Variants in RAP1GAP2 observed in about 807,000 individuals in gnomAD.
RAP1GAP2 encodes rap1 GTPase-activating protein 2.
In RAP1GAP2, 27 loss-of-function variants were observed where a neutral mutation model predicts 95.0. The observed-to-expected ratio is 0.28, with a 90% CI of 0.21 to 0.39. RAP1GAP2 has a LOEUF of 0.39. RAP1GAP2 is among the 10% of genes least tolerant of loss of function. RAP1GAP2 has a pLI of 1.00. For synonymous variants in RAP1GAP2, 373 were observed against 380.9 expected (o/e 0.98, Z 0.24); for missense variants, 771 against 970.0 (o/e 0.79, Z 2.72).
At chr17:2,888,343 C>T (rs1191024493) in intron 2 of RAP1GAP2, among the ~76,000 whole-genome samples, 1 of 152,190 alleles carries the variant, frequency 6.6e-6, no homozygotes, top group Non-Finnish European at 1.5e-5. Flanking sequence ...GGTCACCCTA[C>T]AAGGCTACAG....
intron 1 of RAP1GAP2, among the ~76,000 whole-genome samples, chr17:2,780,055 G>A (rs2068603768): frequency 1.3e-5 from 2 of 152,066 alleles, no homozygotes; most frequent in Non-Finnish European, 2.9e-5. Context: ...AAGCCTCCTC[G>A]TTCCTTTTTT....
At chr17:2,760,937 ATTTTC>A (rs2071234242) in intron 1 of RAP1GAP2, among the ~76,000 whole-genome samples, 2 of 138,782 alleles carry the variant, frequency 1.4e-5, no homozygotes, top group African/African-American at 2.9e-5. Flanking sequence ...GATGGGTGCC[ATTTTC>A]TTTTCTTTTC....
chr17:2,918,494 C>T (rs1014385308), intron 3 of RAP1GAP2, among the ~76,000 whole-genome samples: 74 of 150,834 alleles, frequency 4.9e-4, no homozygotes, highest in Admixed American at 1.3e-3. Flanking sequence ...GCTGTACAGG[C>T]AGCAGGATGC....
At chr17:2,951,028 G>GGA (rs1182356834) in intron 3 of RAP1GAP2, among the ~76,000 whole-genome samples, 2 of 152,192 alleles carry the variant, frequency 1.3e-5, no homozygotes, top group Non-Finnish European at 2.9e-5. Flanking sequence ...TTCGACCACC[G>GGA]GGCTCTGCTG....
intron 1 of RAP1GAP2, among the ~76,000 whole-genome samples, chr17:2,790,237 C>T (rs973877067): frequency 6.6e-5 from 10 of 152,052 alleles, no homozygotes; most frequent in Non-Finnish European, 1.5e-4. Context: ...CTCAGCCTCC[C>T]GAGTAGCTGG....
chr17:2,945,287 C>T (rs60335923), intron 3 of RAP1GAP2, among the ~76,000 whole-genome samples: 12,867 of 152,056 alleles, frequency 0.085, 1,403 homozygotes, highest in African/African-American at 0.25. Context: ...GATTGTGTCT[C>T]TCCGATTGTT....
intron 3 of RAP1GAP2, among the ~76,000 whole-genome samples, chr17:2,927,795 G>A (rs954687670): frequency 6.6e-6 from 1 of 152,156 alleles, no homozygotes; most frequent in African/African-American, 2.4e-5. Flanking sequence ...AACGCTAGCC[G>A]GCCCACCGCA....
Position 2,871,365 on chromosome 17 carries a change from G to A in RAP1GAP2, c.81-33919G>A, listed in dbSNP as rs561635223. 2.9e-4 allele frequency among the ~76,000 whole-genome samples: 44 copies of A among 152,328 alleles called. No individual in the cohort carries two copies. Among genetic ancestry groups the A allele is most frequent in the African/African-American group, 1.1e-3 (44 of 41,584 alleles). ...GGAGGAGTTCTGATTGGCCTGGATT[G>A]TGTGTCCATCTCAGTCCCTATGTGC... On this transcript the variant is annotated intron_variant, in intron 2 of 24. Transcript: ENST00000254695. The surrounding 1 kb of genome is among the most constrained non-coding windows in gnomAD (Gnocchi z 5.0).
chr17:2,771,479 C>CTTTTTTTTTTTTTTTTTTTTTTT (rs775623366), intron 2 of RAP1GAP2, among the ~76,000 whole-genome samples: 1 of 131,788 alleles, frequency 7.6e-6, no homozygotes, highest in Admixed American at 7.5e-5. Flanking sequence ...ATCAAAGCCA[C>CTTTTTTTTTTTTTTTTTTTTTTT]TTTTTTGTTT....
intron 2 of RAP1GAP2, among the ~76,000 whole-genome samples, chr17:2,863,932 A>G (rs1023211309): frequency 3.3e-5 from 5 of 152,006 alleles, no homozygotes; most frequent in Admixed American, 1.3e-4. Context: ...GGTGCCTGTA[A>G]TCCCAGCTAC....
chr17:2,892,076 G>T (rs941905147), intron 2 of RAP1GAP2, among the ~76,000 whole-genome samples: 4 of 151,886 alleles, frequency 2.6e-5, no homozygotes, highest in African/African-American at 7.2e-5. Flanking sequence ...TGCCTGTCTC[G>T]ACCTCCCAAA....
intron 2 of RAP1GAP2, among the ~76,000 whole-genome samples, chr17:2,812,543 C>A (rs988644919): frequency 2.6e-5 from 4 of 152,148 alleles, no homozygotes; most frequent in African/African-American, 4.8e-5. Flanking sequence ...GCTTCTCATG[C>A]CAGGATGCTG....
intron 1 of RAP1GAP2, among the ~76,000 whole-genome samples, chr17:2,788,745 A>G (rs2068850477): frequency 1.3e-5 from 2 of 152,198 alleles, no homozygotes; most frequent in African/African-American, 2.4e-5. Flanking sequence ...TGAGGGCAGG[A>G]GAAGGCGGGT....
intron 1 of RAP1GAP2, among the ~76,000 whole-genome samples, chr17:2,785,981 A>C (rs547894233): frequency 6.8e-6 from 1 of 146,300 alleles, no homozygotes; most frequent in East Asian, 2.0e-4. Context: ...GGCTCACCGC[A>C]ACCTCCACCT....
intron 3 of RAP1GAP2, among the ~76,000 whole-genome samples, chr17:2,928,902 G>A (rs1567789292): frequency 6.6e-6 from 1 of 152,134 alleles, no homozygotes; most frequent in Admixed American, 6.5e-5. Context: ...GAGAGACCCA[G>A]GGGCTGGTCT....
chr17:2,980,497 T>G, intron 9 of RAP1GAP2, 132 bp downstream of exon 9: 1 of 841,044 alleles, frequency 1.2e-6, no homozygotes, highest in East Asian at 2.7e-5. Flanking sequence ...TCTTTGGCCA[T>G]TGACTGCACT....
At chr17:2,915,223 A>G (rs909152966) in intron 3 of RAP1GAP2, among the ~76,000 whole-genome samples, 2 of 151,696 alleles carry the variant, frequency 1.3e-5, no homozygotes, top group Admixed American at 6.6e-5. Context: ...TTTCTGGCCC[A>G]TTTCTTTTCT....
chr17:2,875,906 A>C (rs565137974), intron 2 of RAP1GAP2, among the ~76,000 whole-genome samples: 1 of 149,312 alleles, frequency 6.7e-6, no homozygotes, highest in African/African-American at 2.5e-5. Context: ...AGCCTTCCCC[A>C]GCTTGACTTC....
At chr17:2,988,204 A>C (rs1208093787) in intron 11 of RAP1GAP2, among the ~76,000 whole-genome samples, 32 of 125,546 alleles carry the variant, frequency 2.5e-4, no homozygotes, top group Non-Finnish European at 1.3e-4. Context: ...GCGAAACTCC[A>C]TCTCAAAAAA....
Sources: allele counts gnomAD v4.1 joint callset (sites outside exome capture counted in the v4.1 genomes callset), GRCh38; gene constraint gnomAD v4.1.1; non-coding constraint Gnocchi (gnomAD v3.1); transcripts MANE v1.5; gene names NCBI Gene and HGNC (gene_info 2026-07-23, HGNC 2026-07-21).